The following MTCL2 variants were observed in gnomAD, a reference collection of about 807,000 sequenced individuals.
MTCL2 encodes the protein microtubule crosslinking factor 2, also known as microtubule cross-linking factor 2.
At chr20:36,824,420 C>T in the MTCL2 span, among the ~76,000 whole-genome samples, 1 of 152,030 alleles carries the variant, frequency 6.6e-6, no homozygotes, top group East Asian at 1.9e-4. Flanking sequence ...AGGCCAGTCA[C>T]CAAAGACTCC....
the MTCL2 span, chr20:36,815,499 C>T: frequency 6.3e-7 from 1 of 1,586,498 alleles, no homozygotes; most frequent in Non-Finnish European, 8.6e-7. The surrounding 1 kb of genome is among the most constrained non-coding windows in gnomAD (Gnocchi z 5.3). Context: ...CTCGGCCTCC[C>T]TGGCTCTGCA....
chr20:36,857,521 A>G, the MTCL2 span, among the ~76,000 whole-genome samples: 1 of 152,134 alleles, frequency 6.6e-6, no homozygotes, highest in Non-Finnish European at 1.5e-5. Context: ...TGTGAACAGT[A>G]TATGTGCATT....
the MTCL2 span, among the ~76,000 whole-genome samples, chr20:36,832,226 C>T: frequency 6.6e-6 from 1 of 152,196 alleles, no homozygotes; most frequent in East Asian, 1.9e-4. Flanking sequence ...AAATGCCAAC[C>T]CCACCCACTA....
the MTCL2 span, among the ~76,000 whole-genome samples, chr20:36,856,946 C>T: frequency 1.3e-4 from 20 of 152,200 alleles, no homozygotes; most frequent in African/African-American, 4.1e-4. Context: ...CTAATGTTTG[C>T]ATGCCAGACT....
chr20:36,819,995 C>T, the MTCL2 span, among the ~76,000 whole-genome samples: 1 of 152,184 alleles, frequency 6.6e-6, no homozygotes, highest in Non-Finnish European at 1.5e-5. Context: ...CAGTGGGGCC[C>T]TGGACGGGGC....
the MTCL2 span, among the ~76,000 whole-genome samples, chr20:36,820,534 C>T: frequency 6.6e-6 from 1 of 152,240 alleles, no homozygotes; most frequent in Non-Finnish European, 1.5e-5. Flanking sequence ...AGAATATTTA[C>T]TCAGCCACAG....
chr20:36,807,193 G>C, the MTCL2 span, among the ~76,000 whole-genome samples: 1 of 152,202 alleles, frequency 6.6e-6, no homozygotes, highest in East Asian at 1.9e-4. Flanking sequence ...CCCTGGGGAG[G>C]AGCTGGTGGC....
chr20:36,838,335 T>C, the MTCL2 span, among the ~76,000 whole-genome samples: 3 of 152,316 alleles, frequency 2.0e-5, no homozygotes, highest in African/African-American at 7.2e-5. Context: ...TGGCTCATCC[T>C]TGTAATCCCA....
the MTCL2 span, chr20:36,797,505 C>A: frequency 5.1e-5 from 80 of 1,553,794 alleles, no homozygotes; most frequent in Non-Finnish European, 6.8e-5. Flanking sequence ...CACTCACCTC[C>A]TTCCAGCTGT....
At chr20:36,784,017 A>G in the MTCL2 span, 2 of 985,562 alleles carry the variant, frequency 2.0e-6, no homozygotes, top group East Asian at 2.3e-4. Context: ...GGCTGAGACA[A>G]CAAAGATGGC....
the MTCL2 span, chr20:36,808,729 C>T: frequency 7.5e-6 from 12 of 1,594,642 alleles, no homozygotes; most frequent in African/African-American, 2.7e-5. Context: ...GCGCCCTCTG[C>T]TGGTCCTCCT....
At chr20:36,855,023 C>A in the MTCL2 span, among the ~76,000 whole-genome samples, 1 of 152,140 alleles carries the variant, frequency 6.6e-6, no homozygotes. Flanking sequence ...CAAGCCAACA[C>A]CCACAGAGGG....
chr20:36,815,491 C>G, the MTCL2 span: 1 of 1,589,794 alleles, frequency 6.3e-7, no homozygotes, highest in South Asian at 1.1e-5. This position sits in a 1 kb window ranked among gnomAD's most constrained non-coding sequence, Gnocchi z 5.3. Flanking sequence ...GGCAGCACCT[C>G]GGCCTCCCTG....
chr20:36,858,361 T>G, the MTCL2 span, among the ~76,000 whole-genome samples: 2 of 69,930 alleles, frequency 2.9e-5, no homozygotes, highest in Non-Finnish European at 5.5e-5. Context: ...CTGGCTGCAC[T>G]TCACTCACAT....
the MTCL2 span, among the ~76,000 whole-genome samples, chr20:36,847,022 G>A: frequency 1.3e-5 from 2 of 152,094 alleles, no homozygotes; most frequent in Non-Finnish European, 2.9e-5. Context: ...AACAAAACAC[G>A]GCTACCACCT....
At chr20:36,798,227 C>T in the MTCL2 span, among the ~76,000 whole-genome samples, 5 of 152,108 alleles carry the variant, frequency 3.3e-5, no homozygotes, top group East Asian at 1.9e-4. Flanking sequence ...TGAGCCACCT[C>T]GCCTGGCTAA....
the MTCL2 span, among the ~76,000 whole-genome samples, chr20:36,832,807 C>T: frequency 6.6e-6 from 1 of 152,080 alleles, no homozygotes; most frequent in African/African-American, 2.4e-5. Flanking sequence ...TGCACCACTG[C>T]ACTCCAGCCT....
At chr20:36,862,694 C>G in the MTCL2 span, 5 of 1,500,160 alleles carry the variant, frequency 3.3e-6, no homozygotes, top group Non-Finnish European at 4.4e-6. Context: ...GCTCCTCCAG[C>G]TCCCGCACCA....
the MTCL2 span, among the ~76,000 whole-genome samples, chr20:36,854,467 A>T: frequency 6.6e-6 from 1 of 152,116 alleles, no homozygotes; most frequent in African/African-American, 2.4e-5. Context: ...CAAGGGAAGG[A>T]GCCGGGAACT....
Sources: gnomAD v4.1 joint callset for allele counts (sites outside exome capture counted in the v4.1 genomes callset) on GRCh38, gnomAD v4.1.1 for gene constraint, Gnocchi (gnomAD v3.1) non-coding constraint, MANE v1.5 for transcripts, NCBI Gene and HGNC (gene_info 2026-07-23, HGNC 2026-07-21) for gene names.